The following BACH2 variants were observed in gnomAD, a reference collection of about 807,000 sequenced individuals.
BACH2 encodes the protein transcription regulator protein BACH2.
Under a neutral mutation model 61.8 loss-of-function variants are expected in BACH2, and 5 were observed. The ratio of observed to expected loss-of-function variants is 0.08; its 90% CI spans 0.04 to 0.17. The LOEUF (loss-of-function observed/expected upper bound fraction) is 0.17. Ranked by LOEUF, BACH2 falls within the 10% of genes least tolerant of loss-of-function variation. The pLI is 1.00. For missense variants in BACH2, 824 were observed against 1,091.1 expected, an observed-to-expected ratio of 0.76 and a Z score of 3.45; for synonymous variants, 446 against 440.1, an observed-to-expected ratio of 1.01 and a Z score of -0.17.
intron 4 of BACH2, among the ~76,000 whole-genome samples, chr6:90,169,330 C>T (rs748132345): frequency 2.6e-5 from 4 of 152,080 alleles, no homozygotes; most frequent in Non-Finnish European, 4.4e-5. Context: ...AAAGTCTAAG[C>T]ATAAACAACA....
At chr6:90,029,062 T>C (rs972710232) in intron 5 of BACH2, among the ~76,000 whole-genome samples, 4 of 152,218 alleles carry the variant, frequency 2.6e-5, no homozygotes, top group African/African-American at 9.6e-5. Context: ...TGGCTTGCCT[T>C]TTCTTCACGT....
intron 1 of BACH2, among the ~76,000 whole-genome samples, chr6:90,287,825 ACAT>A (rs1772067563): frequency 6.6e-6 from 1 of 152,174 alleles, no homozygotes; most frequent in South Asian, 2.1e-4. Context: ...GAAAAGTAAC[ACAT>A]TAAGTATGCT....
rs58736288 is a variant in BACH2 at position 90,084,535 on chromosome 6, CCA to C, written c.-13+4424_-13+4425del. Among the ~76,000 whole-genome samples, 867 of 141,878 alleles carry C rather than the reference CCA, an allele frequency of 6.1e-3. 49 individuals are homozygous for C. The East Asian group carries it at 0.17, about 28-fold the overall frequency. The allele number at this position is 141,878 out of a possible 152,430, so 93.1% of individuals were successfully genotyped here. ...TTCTCCTCTACAAAAATCTTTAATT[CCA>C]GTTTTTTTTTTTTTTTGGTATCTCA... On this transcript the variant is annotated intron_variant, in intron 5 of 8. Transcript: ENST00000257749.
intron 6 of BACH2, among the ~76,000 whole-genome samples, chr6:89,967,547 T>C (rs557581458): frequency 1.3e-5 from 2 of 152,316 alleles, no homozygotes; most frequent in Admixed American, 6.5e-5. Flanking sequence ...GTCTGGTTCA[T>C]GGCAGGGAGG....
At chr6:90,187,936 A>C (rs1000805058) in intron 4 of BACH2, among the ~76,000 whole-genome samples, 1 of 152,194 alleles carries the variant, frequency 6.6e-6, no homozygotes, top group Non-Finnish European at 1.5e-5. Context: ...AAGCTCCCAG[A>C]AGAGCACAAG....
intron 3 of BACH2, among the ~76,000 whole-genome samples, chr6:90,239,385 C>A (rs1487636937): frequency 6.6e-6 from 1 of 152,114 alleles, no homozygotes; most frequent in African/African-American, 2.4e-5. Context: ...TGAGAAGAGG[C>A]TATGAACTTT....
intron 4 of BACH2, among the ~76,000 whole-genome samples, chr6:90,120,211 A>T (rs1783565809): frequency 6.6e-6 from 1 of 152,218 alleles, no homozygotes; most frequent in Non-Finnish European, 1.5e-5. Context: ...GTTGAGAAGA[A>T]GTTTAAATCA....
intron 5 of BACH2, among the ~76,000 whole-genome samples, chr6:90,087,375 C>A (rs1453630821): frequency 6.6e-6 from 1 of 152,168 alleles, no homozygotes; most frequent in Non-Finnish European, 1.5e-5. Flanking sequence ...ACTATTTTTA[C>A]ACTCACATCG....
intron 6 of BACH2, among the ~76,000 whole-genome samples, chr6:89,952,596 G>A (rs575595290): frequency 6.6e-6 from 1 of 152,272 alleles, no homozygotes; most frequent in East Asian, 1.9e-4. Context: ...CATTTAAATG[G>A]TTGAAGCTGC....
intron 6 of BACH2, among the ~76,000 whole-genome samples, chr6:89,991,165 T>C (rs762919069): frequency 6.1e-4 from 93 of 152,238 alleles, no homozygotes; most frequent in Non-Finnish European, 9.3e-4. Flanking sequence ...GCTATAACCC[T>C]AGCACTTAAA....
At chr6:90,071,584 C>G (rs1247767344) in intron 5 of BACH2, among the ~76,000 whole-genome samples, 1 of 152,222 alleles carries the variant, frequency 6.6e-6, no homozygotes, top group Non-Finnish European at 1.5e-5. Flanking sequence ...CTTCTCTTTT[C>G]AATTCCTTTC....
chr6:90,025,960 G>A (rs1447267498), intron 5 of BACH2, among the ~76,000 whole-genome samples: 1 of 152,174 alleles, frequency 6.6e-6, no homozygotes, highest in Non-Finnish European at 1.5e-5. Context: ...AGGCACTGCA[G>A]ATTTGTACCT....
chr6:90,123,493 G>A (rs1197356893), intron 4 of BACH2, among the ~76,000 whole-genome samples: 2 of 151,104 alleles, frequency 1.3e-5, no homozygotes, highest in East Asian at 2.0e-4. Context: ...GGTGGGGGCC[G>A]GGCGCGGTGG....
At chr6:90,258,055 G>A (rs1311972400) in intron 2 of BACH2, among the ~76,000 whole-genome samples, 7 of 152,176 alleles carry the variant, frequency 4.6e-5, no homozygotes, top group African/African-American at 1.2e-4. Flanking sequence ...GATTACAGGC[G>A]TGAGCCACTG....
At chr6:90,061,491 G>A (rs983870114) in intron 5 of BACH2, among the ~76,000 whole-genome samples, 10 of 152,120 alleles carry the variant, frequency 6.6e-5, no homozygotes, top group Non-Finnish European at 1.2e-4. Flanking sequence ...CATCCAAGTG[G>A]ACATGTCAAG....
chr6:89,995,819 G>A (rs141720076), intron 6 of BACH2, among the ~76,000 whole-genome samples: 43 of 152,270 alleles, frequency 2.8e-4, no homozygotes, highest in African/African-American at 9.6e-4. Flanking sequence ...TGATGCTCGC[G>A]ATATCACTTG....
intron 5 of BACH2, among the ~76,000 whole-genome samples, chr6:90,045,777 T>A (rs1285036272): frequency 6.6e-6 from 1 of 152,186 alleles, no homozygotes; most frequent in Non-Finnish European, 1.5e-5. Context: ...TGTGAAAAAT[T>A]CCTTTTGCAT....
rs748866221 is a variant in BACH2, at chr6:89,938,223, T to C, written c.1964A>G (p.Lys655Arg). ...GCAGCGCTGGGCCGCGATGCGGTTC[T>C]TGCTGCGCCGTCGGACATCATGAAT... ...EFIHDVRRRSKNRIAAQRCRK... is the reference protein window; with the variant it reads ...EFIHDVRRRSRNRIAAQRCRK... The change falls in exon 8 of 9, where the codon AAG becomes AGG. Residue 655 changes from lysine (K) to arginine (R), a missense_variant. Physicochemically the swap from Lys to Arg is conservative, Grantham distance 26 (BLOSUM62 2). Around this residue, in one of 8 missense-constraint regions of BACH2, gnomAD observed 160 missense variants for 283.5 expected, o/e 0.56. Transcript: ENST00000257749. 1 of 1,614,278 alleles carries C rather than the reference T, an allele frequency of 6.2e-7. No homozygotes were observed. The highest frequency in any genetic ancestry group is 2.2e-5 in the East Asian group (1 of 44,884).
chr6:90,168,874 T>G (rs1767718642), intron 4 of BACH2, among the ~76,000 whole-genome samples: 1 of 152,252 alleles, frequency 6.6e-6, no homozygotes, highest in East Asian at 1.9e-4. Context: ...GGTTTTCATG[T>G]GATACACTTT....
Sources: gnomAD v4.1 joint callset for allele counts (sites outside exome capture counted in the v4.1 genomes callset) on GRCh38, gnomAD v4.1.1 for gene constraint, gnomAD v4.1.1 regional missense constraint, MANE v1.5 for transcripts, NCBI Gene and HGNC (gene_info 2026-07-23, HGNC 2026-07-21) for gene names.